Variants in TBC1D22A observed in about 807,000 individuals in gnomAD.
TBC1D22A encodes putative GTPase activator.
In TBC1D22A, 38 loss-of-function variants were observed where a neutral mutation model predicts 60.2. That is an observed-to-expected ratio of 0.63 (90% CI 0.49 to 0.83). The LOEUF (loss-of-function observed/expected upper bound fraction) is 0.83, where lower values mean the gene tolerates loss of function less well. Ranked by LOEUF, TBC1D22A falls within the 40% of genes least tolerant of loss-of-function variation. The pLI, the probability that TBC1D22A is intolerant of heterozygous loss-of-function variation, is 0.00. For synonymous variants in TBC1D22A, 302 were observed against 281.7 expected, an observed-to-expected ratio of 1.07 and a Z score of -0.72; for missense variants, 628 against 701.0, an observed-to-expected ratio of 0.90 and a Z score of 1.18.
chr22:46,967,360 C>A (rs6009076), intron 8 of TBC1D22A, among the ~76,000 whole-genome samples: 10,112 of 152,256 alleles, frequency 0.066, 1,020 homozygotes, highest in African/African-American at 0.22. Context: ...TCTCTCTCAC[C>A]AAAGTACTGG....
At chr22:46,815,150 T>C (rs1476337259) in intron 4 of TBC1D22A, among the ~76,000 whole-genome samples, 1 of 152,278 alleles carries the variant, frequency 6.6e-6, no homozygotes, top group Non-Finnish European at 1.5e-5. Context: ...GTTTTTTATT[T>C]ATTGTAATTA....
chr22:47,067,860 C>A (rs931933175), intron 11 of TBC1D22A, among the ~76,000 whole-genome samples: 3 of 152,234 alleles, frequency 2.0e-5, no homozygotes, highest in African/African-American at 7.2e-5. Flanking sequence ...GCCTGAAGGC[C>A]TCTGGAACAC....
At chr22:46,891,129 A>G (rs1456673110) in intron 5 of TBC1D22A, 137 bp from the exon 6 acceptor site, 23 of 970,234 alleles carry the variant, frequency 2.4e-5, no homozygotes, top group Non-Finnish European at 3.3e-5. Flanking sequence ...TTTTTCCCAC[A>G]ATTTGTGCTC....
At chr22:47,076,234 T>C (rs1248039983) in intron 11 of TBC1D22A, among the ~76,000 whole-genome samples, 1 of 151,740 alleles carries the variant, frequency 6.6e-6, no homozygotes, top group Non-Finnish European at 1.5e-5. Flanking sequence ...AAACAGAGAA[T>C]AACGTGAAGC....
rs143309819 is a variant in TBC1D22A at position 47,144,088 on chromosome 22, A to T, written c.1426-29410A>T. On this transcript the variant is annotated intron_variant, in intron 12 of 12. Transcript: ENST00000337137. Reference sequence around the variant, plus strand: ...CCTAGACGGTGTCAGGGGATCCTGTACCTGAAGACATGGGAGACAAACCAT... The same window carrying T: ...CCTAGACGGTGTCAGGGGATCCTGTTCCTGAAGACATGGGAGACAAACCAT... Among the ~76,000 whole-genome samples the T allele has an allele frequency of 3.9e-3, 593 of 152,300 alleles. 3 individuals carry two copies. The highest frequency in any genetic ancestry group is 7.3e-3 in the Non-Finnish European group (494 of 68,014).
intron 10 of TBC1D22A, among the ~76,000 whole-genome samples, chr22:47,025,007 T>C (rs2062209743): frequency 6.6e-6 from 1 of 152,236 alleles, no homozygotes; most frequent in African/African-American, 2.4e-5. Context: ...ATAGAGAATA[T>C]TATCAAGTAT....
chr22:46,938,843 C>G (rs2071817894), intron 8 of TBC1D22A, among the ~76,000 whole-genome samples: 2 of 152,088 alleles, frequency 1.3e-5, no homozygotes, highest in Non-Finnish European at 2.9e-5. Context: ...GCCTCAGCCT[C>G]CCAAAATGCT....
intron 10 of TBC1D22A, among the ~76,000 whole-genome samples, chr22:47,008,496 G>A (rs2061655427): frequency 6.6e-6 from 1 of 152,192 alleles, no homozygotes; most frequent in African/African-American, 2.4e-5. Context: ...ACCTCCCTTG[G>A]ATCCACATTT....
chr22:46,873,623 A>C (rs1358840192), intron 4 of TBC1D22A, among the ~76,000 whole-genome samples: 1 of 152,134 alleles, frequency 6.6e-6, no homozygotes, highest in Non-Finnish European at 1.5e-5. Context: ...TCCAGGTATT[A>C]GGCCCAGGAT....
chr22:47,001,623 G>A (rs566710467), intron 10 of TBC1D22A, among the ~76,000 whole-genome samples: 24 of 152,206 alleles, frequency 1.6e-4, no homozygotes, highest in Admixed American at 1.2e-3. Context: ...GGTATTTGGT[G>A]GCTAGTGCTG....
At chr22:46,973,317 G>A (rs560776305) in intron 8 of TBC1D22A, among the ~76,000 whole-genome samples, 133 of 152,214 alleles carry the variant, frequency 8.7e-4, no homozygotes, top group African/African-American at 3.1e-3. Flanking sequence ...TCTTTACCCC[G>A]CTGTTGTCCG....
intron 11 of TBC1D22A, among the ~76,000 whole-genome samples, chr22:47,109,448 C>T (rs1451738445): frequency 2.0e-5 from 3 of 152,234 alleles, no homozygotes; most frequent in Non-Finnish European, 4.4e-5. Flanking sequence ...TATGCACCCT[C>T]TTCATGTTCT....
intron 12 of TBC1D22A, chr22:47,117,186 C>T (rs2066096509): frequency 6.4e-6 from 1 of 156,762 alleles, no homozygotes; most frequent in Non-Finnish European, 1.4e-5. Context: ...TATAAGCAGC[C>T]ATGAGCAATA....
chr22:47,141,437 G>C (rs765421273), intron 12 of TBC1D22A, among the ~76,000 whole-genome samples: 1 of 152,178 alleles, frequency 6.6e-6, no homozygotes, highest in Non-Finnish European at 1.5e-5. Context: ...CCTTACGCAC[G>C]CATTTATAAT....
chr22:46,827,521 G>A (rs1602045397), intron 4 of TBC1D22A, among the ~76,000 whole-genome samples: 1 of 152,196 alleles, frequency 6.6e-6, no homozygotes, highest in African/African-American at 2.4e-5. Flanking sequence ...GAACATGCGT[G>A]TACCAAATGG....
chr22:46,888,591 A>G (rs78873120), intron 5 of TBC1D22A, among the ~76,000 whole-genome samples: 6,796 of 152,298 alleles, frequency 0.045, 477 homozygotes, highest in African/African-American at 0.15. Context: ...AGAAGTGACT[A>G]CTGACCAGGA....
At chr22:46,852,913 C>G (rs2087360300) in intron 4 of TBC1D22A, among the ~76,000 whole-genome samples, 1 of 152,188 alleles carries the variant, frequency 6.6e-6, no homozygotes, top group Admixed American at 6.5e-5. Flanking sequence ...GAGGTCCGTT[C>G]CGTTTCTTGC....
At chr22:47,032,950 G>A (rs886546266) in intron 10 of TBC1D22A, among the ~76,000 whole-genome samples, 10 of 152,204 alleles carry the variant, frequency 6.6e-5, no homozygotes, top group African/African-American at 1.4e-4. Flanking sequence ...TTCCTCAGGC[G>A]CTTTGTTTCA....
intron 11 of TBC1D22A, among the ~76,000 whole-genome samples, chr22:47,045,242 C>T (rs2030296774): frequency 6.6e-6 from 1 of 152,226 alleles, no homozygotes; most frequent in South Asian, 2.1e-4. Flanking sequence ...GCACACGCGG[C>T]TGTGTGTTCA....
Sources: allele counts gnomAD v4.1 joint callset (sites outside exome capture counted in the v4.1 genomes callset), GRCh38; gene constraint gnomAD v4.1.1; transcripts MANE v1.5; gene names NCBI Gene and HGNC (gene_info 2026-07-23, HGNC 2026-07-21).